The following BBS9 variants were observed in gnomAD, a reference collection of about 807,000 sequenced individuals.
The protein encoded by BBS9 is protein PTHB1.
A neutral mutation model predicts 117.7 loss-of-function variants in BBS9; 89 were observed. The observed-to-expected ratio is 0.76, with a 90% CI of 0.64 to 0.90. The LOEUF is 0.90. Ranked by LOEUF, BBS9 falls within the 40% of genes least tolerant of loss-of-function variation. The pLI is 0.00. For missense variants in BBS9, 982 were observed against 1,042.2 expected, an observed-to-expected ratio of 0.94 and a Z score of 0.80; for synonymous variants, 379 against 370.9, an observed-to-expected ratio of 1.02 and a Z score of -0.25.
chr7:33,310,881 A>C (rs934750670), intron 9 of BBS9, among the ~76,000 whole-genome samples: 1 of 152,188 alleles, frequency 6.6e-6, no homozygotes, highest in Non-Finnish European at 1.5e-5. Flanking sequence ...GATTCTGGGG[A>C]TATATTCATG....
At chr7:33,483,709 C>G (rs1842771066) in intron 19 of BBS9, among the ~76,000 whole-genome samples, 1 of 151,982 alleles carries the variant, frequency 6.6e-6, no homozygotes. Flanking sequence ...TGCCTCACTG[C>G]AGCTTTGAAT....
chr7:33,314,239 CT>C (rs112214479), intron 9 of BBS9: 26,558 of 329,840 alleles, frequency 0.081, 267 homozygotes, highest in African/African-American at 0.13. Flanking sequence ...AATTTCCTTT[CT>C]TTTTTTTTTT....
At chr7:33,162,463 G>C (rs926942733) in intron 4 of BBS9, among the ~76,000 whole-genome samples, 1 of 152,150 alleles carries the variant, frequency 6.6e-6, no homozygotes, top group Non-Finnish European at 1.5e-5. Context: ...CTATCCATGA[G>C]CATGGAATGT....
intron 17 of BBS9, among the ~76,000 whole-genome samples, chr7:33,368,935 C>T (rs1563074969): frequency 6.6e-6 from 1 of 152,042 alleles, no homozygotes; most frequent in Non-Finnish European, 1.5e-5. Context: ...GAAATAACAA[C>T]TCTGAGAAGA....
Position 33,402,195 on chromosome 7 carries a change from C to G in BBS9, c.2115+14051C>G, listed in dbSNP as rs115875063. Reference sequence around the variant, plus strand: ...TGTATTTGTCTTATTCCAAGACCTTCAAGGGGATCCCTGTTGCCTATTAGA... The same window carrying G: ...TGTATTTGTCTTATTCCAAGACCTTGAAGGGGATCCCTGTTGCCTATTAGA... On this transcript the variant is annotated intron_variant, in intron 19 of 22. Coordinates refer to ENST00000242067, the MANE Select transcript of BBS9 (RefSeq NM_198428.3). 5.9e-3 allele frequency among the ~76,000 whole-genome samples: 901 copies of G among 152,250 alleles called. 6 individuals carry two copies. Among genetic ancestry groups the G allele is most frequent in the Middle Eastern group, 0.017 (5 of 294 alleles).
At chr7:33,473,369 G>T (rs890908346) in intron 19 of BBS9, among the ~76,000 whole-genome samples, 1 of 149,458 alleles carries the variant, frequency 6.7e-6, no homozygotes, top group African/African-American at 2.5e-5. Context: ...TGTCACCCGG[G>T]CTGGAGTGTA....
chr7:33,418,841 C>G (rs1832425762), intron 19 of BBS9, among the ~76,000 whole-genome samples: 1 of 152,174 alleles, frequency 6.6e-6, no homozygotes, highest in Non-Finnish European at 1.5e-5. Context: ...AGAAACAACA[C>G]ACAAAACATG....
In BBS9 at chr7:33,273,973, A is replaced by C. The variant is rs1390777870; in HGVS notation, c.1016+17A>C. On this transcript the variant is annotated intron_variant, in intron 9 of 22. Transcript: ENST00000242067. Reference sequence around the variant, plus strand: ...CTGTTTGCAGTAAGTGATTTAATTTAACACAGTTTTTAAAGAGGATGTTAG... The same window carrying C: ...CTGTTTGCAGTAAGTGATTTAATTTCACACAGTTTTTAAAGAGGATGTTAG... The C allele has an allele frequency of 1.2e-6, 2 of 1,613,226 alleles. No homozygotes were observed. Among genetic ancestry groups the C allele is most frequent in the East Asian group, 2.2e-5 (1 of 44,766 alleles).
chr7:33,321,758 AATAACAGTGGTGAAAGTGGGC>A lies in BBS9; in HGVS notation c.1017-14680_1017-14660del, dbSNP rs1282273463. 2.0e-5 allele frequency among the ~76,000 whole-genome samples: 3 copies of A among 152,124 alleles called. No individual in the cohort carries two copies. The East Asian group carries it at 5.8e-4, about 29-fold the overall frequency. The stretch of plus-strand genomic sequence containing the variant: ...AGGTAGGACTTTTAGTACTATGGTG[AATAACAGTGGTGAAAGTGGGC>A]ATCCTTGTCATGTTCCAGATCTTAG... On this transcript the variant is annotated intron_variant, in intron 9 of 22. Transcript: ENST00000242067.
At chr7:33,590,459 G>GT (rs71554107) in intron 21 of BBS9, among the ~76,000 whole-genome samples, 7,062 of 101,384 alleles carry the variant, frequency 0.07, 250 homozygotes, top group Non-Finnish European at 0.094. Context: ...TTGTTTTTTT[G>GT]TTTTTTTTTT....
chr7:33,486,869 G>A (rs1335245795), intron 19 of BBS9, among the ~76,000 whole-genome samples: 1 of 152,190 alleles, frequency 6.6e-6, no homozygotes, highest in Non-Finnish European at 1.5e-5. Context: ...CTTCAGACCA[G>A]TGCTGATACA....
chr7:33,273,958 TA>T lies in BBS9; in HGVS notation c.1016+4del. On this transcript the variant is annotated splice_donor_region_variant and intron_variant, in intron 9 of 22. Transcript: ENST00000242067. ...AGCAGTAAGAGTGGGCTGTTTGCAG[TA>T]AGTGATTTAATTTAACACAGTTTTT... The T allele has an allele frequency of 6.2e-7, 1 of 1,613,690 alleles. No individual in the cohort carries two copies. Among genetic ancestry groups the T allele is most frequent in the East Asian group, 2.2e-5 (1 of 44,774 alleles).
intron 9 of BBS9, among the ~76,000 whole-genome samples, chr7:33,335,590 A>G (rs921358904): frequency 1.3e-5 from 2 of 152,192 alleles, no homozygotes; most frequent in African/African-American, 4.8e-5. Context: ...CATGTTCACA[A>G]AAACAACTTT....
At chr7:33,586,480 A>G (rs571108350) in intron 21 of BBS9, among the ~76,000 whole-genome samples, 1 of 152,264 alleles carries the variant, frequency 6.6e-6, no homozygotes, top group South Asian at 2.1e-4. Context: ...TATAAAGAGC[A>G]GTTTGGAGAT....
chr7:33,357,760 A>G, intron 15 of BBS9, 95 bp from the exon 16 acceptor site: 3 of 1,333,870 alleles, frequency 2.2e-6, no homozygotes, highest in Non-Finnish European at 2.1e-6. Context: ...CAAGCAAACC[A>G]AGATATATTG....
At chr7:33,571,892 T>G (rs2129140119) in intron 21 of BBS9, among the ~76,000 whole-genome samples, 1 of 152,194 alleles carries the variant, frequency 6.6e-6, no homozygotes, top group Non-Finnish European at 1.5e-5. Flanking sequence ...TTAGGGTAAT[T>G]GGAACATCAG....
At chr7:33,386,491 T>C (rs973504498) in intron 18 of BBS9, among the ~76,000 whole-genome samples, 4 of 150,488 alleles carry the variant, frequency 2.7e-5, no homozygotes, top group Admixed American at 6.6e-5. Context: ...TTTATTTATT[T>C]ATTTATTTAT....
intron 9 of BBS9, among the ~76,000 whole-genome samples, chr7:33,319,444 A>G (rs1157441355): frequency 1.3e-5 from 2 of 152,118 alleles, no homozygotes; most frequent in African/African-American, 2.4e-5. Context: ...TGGTAGTTCT[A>G]CTTTAAGTTC....
intron 19 of BBS9, among the ~76,000 whole-genome samples, chr7:33,469,901 T>C (rs984149990): frequency 2.0e-5 from 3 of 152,192 alleles, no homozygotes; most frequent in Admixed American, 2.0e-4. Context: ...GTTGTCTTGA[T>C]TTTCTTAAAA....
Sources: allele counts gnomAD v4.1 joint callset (sites outside exome capture counted in the v4.1 genomes callset), GRCh38; gene constraint gnomAD v4.1.1; transcripts MANE v1.5; gene names NCBI Gene and HGNC (gene_info 2026-07-23, HGNC 2026-07-21).